Variants in MACROD1 observed in about 807,000 individuals in gnomAD.
The protein encoded by MACROD1 is mono-ADP ribosylhydrolase 1, also known as ADP-ribose glycohydrolase MACROD1.
A neutral mutation model predicts 41.4 loss-of-function variants in MACROD1; 31 were observed. The observed-to-expected ratio is 0.75, with a 90% CI of 0.56 to 1.01. The LOEUF is 1.01. Ranked by LOEUF, MACROD1 falls within the 50% of genes least tolerant of loss-of-function variation. The pLI is 0.00. For missense variants in MACROD1, 473 were observed against 460.0 expected, an observed-to-expected ratio of 1.03 and a Z score of -0.26; for synonymous variants, 252 against 203.4, an observed-to-expected ratio of 1.24 and a Z score of -2.03.
chr11:64,033,320 C>T (rs932805664), intron 3 of MACROD1, among the ~76,000 whole-genome samples: 1 of 152,238 alleles, frequency 6.6e-6, no homozygotes, highest in Admixed American at 6.5e-5. Flanking sequence ...TGCACAGCCA[C>T]CAGGCATGGC....
chr11:64,066,460 T>C (rs1033448536), intron 3 of MACROD1, among the ~76,000 whole-genome samples: 10 of 149,972 alleles, frequency 6.7e-5, no homozygotes, highest in Non-Finnish European at 1.3e-4. Flanking sequence ...CTACAAAAAA[T>C]TTTAAAAAAT....
intron 3 of MACROD1, among the ~76,000 whole-genome samples, chr11:64,126,677 T>C (rs367978793): frequency 6.6e-6 from 1 of 151,900 alleles, no homozygotes; most frequent in South Asian, 2.1e-4. Flanking sequence ...GGCCAGCCCC[T>C]GGCGGCCAAG....
intron 3 of MACROD1, among the ~76,000 whole-genome samples, chr11:64,046,405 CCT>C (rs1353810858): frequency 6.6e-6 from 1 of 152,130 alleles, no homozygotes; most frequent in Non-Finnish European, 1.5e-5. Context: ...CAAAGTGTCC[CCT>C]GTGCTGGGGT....
intron 3 of MACROD1, among the ~76,000 whole-genome samples, chr11:64,021,069 G>C (rs944256862): frequency 3.2e-4 from 49 of 152,168 alleles, no homozygotes; most frequent in African/African-American, 1.1e-3. Context: ...TCTCCCTCAT[G>C]GTTCTTCCCC....
intron 3 of MACROD1, among the ~76,000 whole-genome samples, chr11:64,140,396 C>T (rs1565256204): frequency 6.6e-6 from 1 of 152,218 alleles, no homozygotes; most frequent in Admixed American, 6.5e-5. Flanking sequence ...AGGAGAGGGC[C>T]GTCCCCTCGG....
At chr11:64,081,696 G>C (rs1295539113) in intron 3 of MACROD1, 1 of 152,138 alleles carries the variant, frequency 6.6e-6, no homozygotes, top group Non-Finnish European at 1.5e-5. Flanking sequence ...ATGCAGGTGA[G>C]GGCGTGTGGC....
intron 3 of MACROD1, chr11:64,118,085 G>A: frequency 6.2e-7 from 1 of 1,612,316 alleles, no homozygotes; most frequent in Non-Finnish European, 8.5e-7. Context: ...CAGGGACCAA[G>A]AAGGATAACT....
At chr11:64,111,514 G>A (rs1457699014) in intron 3 of MACROD1, among the ~76,000 whole-genome samples, 3 of 152,220 alleles carry the variant, frequency 2.0e-5, no homozygotes, top group African/African-American at 4.8e-5. Flanking sequence ...AGTGCAGAAG[G>A]GACAGACGTG....
At chr11:64,115,254 T>C (rs1281882189) in intron 3 of MACROD1, among the ~76,000 whole-genome samples, 1 of 152,190 alleles carries the variant, frequency 6.6e-6, no homozygotes, top group Non-Finnish European at 1.5e-5. Context: ...ATAAGAAAAA[T>C]CTATGCTGCT....
At chr11:63,999,427 G>C in intron 7 of MACROD1, 23 bp from the exon 8 acceptor site, 4 of 1,559,104 alleles carry the variant, frequency 2.6e-6, no homozygotes, top group Non-Finnish European at 3.5e-6. Context: ...GGGCGGGAGT[G>C]AGTCCTAGGC....
At chr11:64,006,312 C>T (rs904033791) in intron 4 of MACROD1, among the ~76,000 whole-genome samples, 1 of 152,224 alleles carries the variant, frequency 6.6e-6, no homozygotes, top group African/African-American at 2.4e-5. Flanking sequence ...TGCTTCTGCT[C>T]ACACCCTCCT....
intron 10 of MACROD1, 69 bp downstream of exon 10, chr11:63,998,769 G>T: frequency 7.0e-7 from 1 of 1,436,160 alleles, no homozygotes; most frequent in South Asian, 1.5e-5. Flanking sequence ...CCTGCTTGGG[G>T]GTGAGCGGGG....
chr11:64,157,134 C>A (rs1304573931), intron 1 of MACROD1, among the ~76,000 whole-genome samples: 2 of 152,080 alleles, frequency 1.3e-5, no homozygotes, highest in African/African-American at 4.8e-5. Flanking sequence ...ACTCTGTCAC[C>A]CAGGCTGGAG....
At chr11:64,033,698 A>G (rs1943323334) in intron 3 of MACROD1, among the ~76,000 whole-genome samples, 1 of 151,876 alleles carries the variant, frequency 6.6e-6, no homozygotes, top group Non-Finnish European at 1.5e-5. Flanking sequence ...AAAATTAGCC[A>G]GGCGTAGTGG....
chr11:64,013,840 C>T (rs144578425), intron 4 of MACROD1, among the ~76,000 whole-genome samples: 144 of 152,250 alleles, frequency 9.5e-4, no homozygotes, highest in African/African-American at 3.1e-3. Context: ...TCCCTCTGCC[C>T]GGGACACCCT....
intron 3 of MACROD1, among the ~76,000 whole-genome samples, chr11:64,023,815 G>A (rs923461961): frequency 6.6e-6 from 1 of 152,146 alleles, no homozygotes; most frequent in African/African-American, 2.4e-5. Context: ...CCCTCTTCCT[G>A]GTCTAATCGA....
intron 3 of MACROD1, among the ~76,000 whole-genome samples, chr11:64,049,009 C>A (rs1943639497): frequency 6.6e-6 from 1 of 152,220 alleles, no homozygotes; most frequent in African/African-American, 2.4e-5. Context: ...GACTGGGGTG[C>A]CGGCTGCCTC....
At chr11:64,053,906 C>G (rs948943238) in intron 3 of MACROD1, among the ~76,000 whole-genome samples, 2 of 152,078 alleles carry the variant, frequency 1.3e-5, no homozygotes, top group African/African-American at 4.8e-5. Flanking sequence ...TTCCGTCATC[C>G]CCCCCACCAC....
chr11:64,010,760 T>C (rs1179180080), intron 4 of MACROD1, among the ~76,000 whole-genome samples: 6 of 148,416 alleles, frequency 4.0e-5, no homozygotes, highest in Non-Finnish European at 8.9e-5. Context: ...GGCTGGCATA[T>C]TGGTTGGCAC....
Sources: allele counts gnomAD v4.1 joint callset (sites outside exome capture counted in the v4.1 genomes callset), GRCh38; gene constraint gnomAD v4.1.1; transcripts MANE v1.5; gene names NCBI Gene and HGNC (gene_info 2026-07-23, HGNC 2026-07-21).